Variants in SLC24A5 observed in about 807,000 individuals in gnomAD.
SLC24A5 encodes sodium/potassium/calcium exchanger 5.
SLC24A5 carries 46 observed loss-of-function variants against 51.6 expected under a neutral mutation model. That is an observed-to-expected ratio of 0.89 (90% CI 0.70 to 1.14). The LOEUF is 1.14. Among genes scored for constraint, SLC24A5 ranks in the 50% most tolerant of loss-of-function variants. The probability of loss-of-function intolerance (pLI) is 0.00; values close to 1 mark genes in which losing one functional copy is unlikely to be tolerated. For synonymous variants in SLC24A5, 230 were observed against 214.9 expected, an observed-to-expected ratio of 1.07 and a Z score of -0.62; for missense variants, 581 against 604.1, an observed-to-expected ratio of 0.96 and a Z score of 0.40.
intron 5 of SLC24A5, 62 bp downstream of exon 5, chr15:48,135,046 T>A: frequency 7.5e-7 from 1 of 1,331,054 alleles, no homozygotes. Flanking sequence ...GATGGTTCAG[T>A]AATTTTTTTT....
In SLC24A5 at chr15:48,121,771, C is replaced by T. The variant is rs2038681503; in HGVS notation, c.122-86C>T. On this transcript the variant is annotated intron_variant, in intron 1 of 8. Coordinates refer to ENST00000341459, the MANE Select transcript of SLC24A5 (RefSeq NM_205850.3). Reference sequence around the variant, plus strand: ...TAAAATTCCACCCGGTTACCCCACACTTACAGATTTCTTAAGGAAGCTCTC... The same window carrying T: ...TAAAATTCCACCCGGTTACCCCACATTTACAGATTTCTTAAGGAAGCTCTC... 2.5e-5 allele frequency: 34 copies of T among 1,368,958 alleles called. 2 individuals carry two copies. The South Asian group carries it at 4.3e-4, about 17-fold the overall frequency. The allele number at this position is 1,368,958 out of a possible 1,614,324, so 84.8% of individuals were successfully genotyped here. A position where few individuals can be genotyped will look rare whatever the true frequency, so the allele number is the denominator to read the frequency against.
At chr15:48,136,065 T>G (rs1010097918) in intron 5 of SLC24A5, 6 of 152,148 alleles carry the variant, frequency 3.9e-5, no homozygotes, top group Admixed American at 2.0e-4. Context: ...AGGGAAACAG[T>G]TCTTGGTTCC....
At chr15:48,132,164 C>T (rs942412259) in intron 2 of SLC24A5, among the ~76,000 whole-genome samples, 3 of 152,162 alleles carry the variant, frequency 2.0e-5, no homozygotes, top group Non-Finnish European at 4.4e-5. Context: ...CTTCACCACA[C>T]AGACTAGCCT....
chr15:48,131,948 G>A (rs1470398048), intron 2 of SLC24A5, among the ~76,000 whole-genome samples: 1 of 152,022 alleles, frequency 6.6e-6, no homozygotes, highest in East Asian at 1.9e-4. Context: ...TTACCCCAAG[G>A]GATAAAATTA....
At chr15:48,123,274 TTAA>T (rs2038698468) in intron 2 of SLC24A5, 1 of 151,924 alleles carries the variant, frequency 6.6e-6, no homozygotes, top group Non-Finnish European at 1.5e-5. Context: ...GATATTTTCT[TTAA>T]TAAAGATTAA....
intron 2 of SLC24A5, among the ~76,000 whole-genome samples, chr15:48,128,698 A>T (rs2038757629): frequency 6.6e-6 from 1 of 152,152 alleles, no homozygotes; most frequent in South Asian, 2.1e-4. Flanking sequence ...CTACACACTC[A>T]TTCTCCTAAG....
intron 5 of SLC24A5, 176 bp from the exon 6 acceptor site, chr15:48,136,507 C>T (rs2038903899): frequency 2.1e-6 from 1 of 481,810 alleles, no homozygotes; most frequent in Non-Finnish European, 3.5e-6. Flanking sequence ...TATCAATAAA[C>T]ATAATAATGC....
Position 48,134,585 on chromosome 15 carries a change from T to G in SLC24A5, c.489+47T>G, listed in dbSNP as rs781780760. The G allele has an allele frequency of 9.6e-6, 14 of 1,465,794 alleles. No individual in the cohort carries two copies. In the Admixed American group the frequency reaches 2.4e-4, roughly 25 times the overall value. The allele number at this position is 1,465,794 out of a possible 1,614,324, so 90.8% of individuals were successfully genotyped here. A position where few individuals can be genotyped will look rare whatever the true frequency, so the allele number is the denominator to read the frequency against. ...CAAAATGTATTGTCTTAAAAAATTC[T>G]AAAGATAACTGTTCGTCGTCTGGGA... On this transcript the variant is annotated intron_variant, in intron 4 of 8. Coordinates refer to ENST00000341459, the MANE Select transcript of SLC24A5 (RefSeq NM_205850.3).
intron 4 of SLC24A5, 86 bp from the exon 5 acceptor site, chr15:48,134,798 A>G: frequency 9.3e-7 from 1 of 1,080,438 alleles, no homozygotes; most frequent in Non-Finnish European, 1.3e-6. Flanking sequence ...TTTAACTACA[A>G]ATATATAAAC....
intron 7 of SLC24A5, chr15:48,139,800 T>C (rs1475827312): frequency 6.6e-6 from 1 of 152,120 alleles, no homozygotes; most frequent in Admixed American, 6.6e-5. Flanking sequence ...CTGTAATTTC[T>C]CCTACAAAGG....
chr15:48,133,940 A>G (rs2038830520), intron 2 of SLC24A5, among the ~76,000 whole-genome samples: 1 of 151,850 alleles, frequency 6.6e-6, no homozygotes, highest in African/African-American at 2.4e-5. Context: ...AATTATCTTA[A>G]TTTTCAAAGC....
intron 6 of SLC24A5, chr15:48,137,514 T>A (rs1243836996): frequency 6.6e-6 from 1 of 152,190 alleles, no homozygotes; most frequent in Non-Finnish European, 1.5e-5. Context: ...ATCTTAGTAA[T>A]GTTACCCAAA....
intron 2 of SLC24A5, among the ~76,000 whole-genome samples, chr15:48,125,481 T>C (rs2038721792): frequency 6.6e-6 from 1 of 152,094 alleles, no homozygotes; most frequent in Non-Finnish European, 1.5e-5. Context: ...TGCTACATGA[T>C]AAAACTTTAC....
Position 48,142,214 on chromosome 15 carries a change from G to A in SLC24A5, c.1366G>A (p.Val456Ile), listed in dbSNP as rs946234864. The A allele has an allele frequency of 6.2e-7, 1 of 1,613,712 alleles. No individual in the cohort carries two copies. The highest frequency in any genetic ancestry group is 8.5e-7 in the Non-Finnish European group (1 of 1,179,856). The change falls in exon 9 of 9, where the codon GTT becomes ATT. Residue 456 changes from valine to isoleucine, a missense_variant. By Grantham distance (29) the Val-to-Ile change is conservative. Transcript: ENST00000341459. ...NISIIFLFLA[V>I]HFNGWKLDRK... The stretch of plus-strand genomic sequence containing the variant: ...TTCAATTATTTTTCTTTTTTTAGCA[G>A]TTCACTTCAATGGCTGGAAACTAGA...
intron 2 of SLC24A5, among the ~76,000 whole-genome samples, chr15:48,125,461 T>A (rs1364616423): frequency 6.6e-6 from 1 of 152,080 alleles, no homozygotes; most frequent in Non-Finnish European, 1.5e-5. Flanking sequence ...AACTCAAGCA[T>A]GATCTCAACT....
Position 48,139,011 on chromosome 15 carries a change from G to C in SLC24A5, c.914G>C (p.Arg305Thr), listed in dbSNP as rs777788775. 1 of 1,612,854 alleles carries C rather than the reference G, an allele frequency of 6.2e-7. No homozygotes were observed. The highest frequency in any genetic ancestry group is 1.7e-5 in the Admixed American group (1 of 59,974). The change falls in exon 7 of 9, where the codon AGA (arginine) becomes ACA (threonine). Residue 305 changes from arginine to threonine, a missense_variant. Physicochemically the swap from Arg to Thr is moderately conservative, Grantham distance 71 (BLOSUM62 -1). Coordinates refer to ENST00000341459, the MANE Select transcript of SLC24A5 (RefSeq NM_205850.3). ...AACATGCCTGAAGCAGACTTAAAAAGAATTTTTTGGGTATTATCCCTTCCT... is the reference window on the plus strand; with the variant it reads ...AACATGCCTGAAGCAGACTTAAAAACAATTTTTTGGGTATTATCCCTTCCT... ...VFNMPEADLK[R>T]IFWVLSLPII...
chr15:48,142,177 C>G lies in SLC24A5; in HGVS notation c.1329C>G (p.Ile443Met), dbSNP rs1027715443. ...GCAGAGGACTAACTTACATAACCAT[C>G]TCTCTCAACATTTCAATTATTTTTC... Reference protein sequence around the residue: ...VNSRGLTYITISLNISIIFLF... With the variant: ...VNSRGLTYITMSLNISIIFLF... Residue 443 changes from isoleucine to methionine, a missense_variant, in exon 9 of 9, where the codon ATC becomes ATG. Coordinates refer to ENST00000341459, the MANE Select transcript of SLC24A5 (RefSeq NM_205850.3). 5.0e-6 allele frequency: 8 copies of G among 1,613,740 alleles called. No homozygotes were observed. In the African/African-American group the frequency reaches 1.1e-4, roughly 22 times the overall value.
chr15:48,124,810 CAGATG>C (rs1390051530), intron 2 of SLC24A5: 1 of 152,172 alleles, frequency 6.6e-6, no homozygotes, highest in Non-Finnish European at 1.5e-5. Flanking sequence ...GTAGTTCTTA[CAGATG>C]TGTGATTGAT....
At chr15:48,138,080 TAA>T (rs2038946367) in intron 6 of SLC24A5, 1 of 152,088 alleles carries the variant, frequency 6.6e-6, no homozygotes. Flanking sequence ...CTCTCCAAAT[TAA>T]GTTTATAATA....
Sources: allele counts gnomAD v4.1 joint callset (sites outside exome capture counted in the v4.1 genomes callset), GRCh38; gene constraint gnomAD v4.1.1; transcripts MANE v1.5; gene names NCBI Gene and HGNC (gene_info 2026-07-23, HGNC 2026-07-21).